The following TRPA1 variants were observed in gnomAD, a reference collection of about 807,000 sequenced individuals.
TRPA1 encodes transient receptor potential cation channel subfamily A member 1.
A neutral mutation model predicts 131.3 loss-of-function variants in TRPA1; 129 were observed. The observed-to-expected ratio is 0.98, with a 90% CI of 0.85 to 1.14. The LOEUF is 1.14. Among genes scored for constraint, TRPA1 ranks in the 50% most tolerant of loss-of-function variants. TRPA1 has a pLI of 0.00. For missense variants in TRPA1, 1,304 were observed against 1,354.2 expected, an observed-to-expected ratio of 0.96 and a Z score of 0.58; for synonymous variants, 441 against 451.7, an observed-to-expected ratio of 0.98 and a Z score of 0.30.
At chr8:72,047,004 T>C (rs1799735086) in intron 16 of TRPA1, 144 bp downstream of exon 16, 1 of 657,400 alleles carries the variant, frequency 1.5e-6, no homozygotes, top group South Asian at 2.1e-5. Context: ...AAAAATTCTC[T>C]CACAAGTAGA....
At position 72,052,617 on chromosome 8, in the gene TRPA1, G is replaced by A. The variant is rs147715599; in HGVS notation, c.1793C>T (p.Thr598Met). 374 of 1,613,308 alleles carry A rather than the reference G, an allele frequency of 2.3e-4. No homozygotes were observed. The highest frequency in any genetic ancestry group is 2.9e-4 in the Non-Finnish European group (347 of 1,179,642). The part of the protein sequence containing the change: ...LHNKRKEVVL[T>M]IIRSKRWDEC... ...AGTGTACCTTTTGCTCCTGATGATC[G>A]TAAGAACAACCTCCTTCCTCTTATT... The change falls in exon 14 of 27, where the codon ACG becomes ATG. Residue 598 changes from threonine to methionine, a missense_variant. Coordinates refer to ENST00000262209, the MANE Select transcript of TRPA1 (RefSeq NM_007332.3).
chr8:72,030,671 A>G (rs1811782665), intron 23 of TRPA1, among the ~76,000 whole-genome samples: 4 of 152,232 alleles, frequency 2.6e-5, no homozygotes, highest in Admixed American at 2.6e-4. Context: ...GCCACACAAC[A>G]TGGTGGGAAA....
chr8:72,025,399 G>A (rs971163720), intron 25 of TRPA1, among the ~76,000 whole-genome samples: 1 of 152,002 alleles, frequency 6.6e-6, no homozygotes, highest in Non-Finnish European at 1.5e-5. Flanking sequence ...CACCATGATT[G>A]CAAGTTTCCT....
intron 1 of TRPA1, among the ~76,000 whole-genome samples, chr8:72,074,829 T>C (rs972162334): frequency 1.3e-5 from 2 of 152,176 alleles, no homozygotes; most frequent in Non-Finnish European, 2.9e-5. Flanking sequence ...ACGCTCTAAG[T>C]GCAGACAATT....
At position 72,036,476 on chromosome 8, in the gene TRPA1, A is replaced by C. The variant is rs1401833306; in HGVS notation, c.2386-19T>G. 2 of 1,605,190 alleles carry C rather than the reference A, an allele frequency of 1.2e-6. No homozygotes were observed. Among genetic ancestry groups the C allele is most frequent in the South Asian group, 1.1e-5 (1 of 90,778 alleles). Reference sequence around the variant, plus strand: ...TCCTTTTCTGGGATAGAAAAGAATAAAAAATTACCACATATAGAGACCTAG... The same window carrying C: ...TCCTTTTCTGGGATAGAAAAGAATACAAAATTACCACATATAGAGACCTAG... On this transcript the variant is annotated intron_variant, in intron 20 of 26. Coordinates refer to ENST00000262209, the MANE Select transcript of TRPA1 (RefSeq NM_007332.3).
At chr8:72,061,790 T>C (rs1435859939) in intron 6 of TRPA1, 29 bp from the exon 7 acceptor site, 6 of 1,612,444 alleles carry the variant, frequency 3.7e-6, no homozygotes, top group South Asian at 1.1e-5. Flanking sequence ...CTAGAATCAA[T>C]GTTTAAATCT....
the TRPA1 span, among the ~76,000 whole-genome samples, chr8:72,089,751 T>C: frequency 0.19 from 28,858 of 151,970 alleles, 3,131 homozygotes; most frequent in East Asian, 0.41. Flanking sequence ...TATGTCAGAT[T>C]GAAACAAAAT....
intron 13 of TRPA1, chr8:72,053,007 AAGAGAG>A (rs57169742): frequency 0.02 from 4,525 of 231,338 alleles, 104 homozygotes; most frequent in African/African-American, 0.059. Flanking sequence ...GAGATAGAGA[AAGAGAG>A]AGAGAGAGAG....
chr8:72,057,767 A>C lies in TRPA1; in HGVS notation c.1043T>G (p.Leu348Ter). The change falls in exon 9 of 27, where the codon TTA becomes TGA. Residue 348 changes from leucine to a stop codon, truncating the protein, a stop_gained. Coordinates refer to ENST00000262209, the MANE Select transcript of TRPA1 (RefSeq NM_007332.3). LOFTEE classifies it high-confidence loss of function. ...ATTCCAAGATGCAGAAGCAGTTGCT[A>C]ATATAAGTGGAGAGCGTCCTTCAGA... ...IDSEGRSPLI[L>*]ATASASWNIV... is the part of the protein sequence containing the mutation. The C allele has an allele frequency of 6.2e-7, 1 of 1,613,946 alleles. No individual in the cohort carries two copies. Among genetic ancestry groups the C allele is most frequent in the Non-Finnish European group, 8.5e-7 (1 of 1,179,902 alleles).
rs533631033 is a variant in TRPA1 at position 72,063,603 on chromosome 8, C to T, written c.553-32G>A. 7 of 1,474,692 alleles carry T rather than the reference C, an allele frequency of 4.7e-6. No homozygotes were observed. The South Asian group carries it at 7.9e-5, about 17-fold the overall frequency. 91.4% of individuals were successfully genotyped at this position (1,474,692 alleles called of 1,614,324 possible). A position where few individuals can be genotyped will look rare whatever the true frequency, so the allele number is the denominator to read the frequency against. On this transcript the variant is annotated intron_variant, in intron 4 of 26. Transcript: ENST00000262209. ...GAAAAGACAAAATGAAAAATGACACCAGTTAAACCCCAAATCGCAAGGGTG... is the reference window on the plus strand; with the variant it reads ...GAAAAGACAAAATGAAAAATGACACTAGTTAAACCCCAAATCGCAAGGGTG...
At chr8:72,024,734 G>A (rs1811522655) in intron 25 of TRPA1, among the ~76,000 whole-genome samples, 1 of 152,148 alleles carries the variant, frequency 6.6e-6, no homozygotes, top group African/African-American at 2.4e-5. Context: ...TAGGCAGCTG[G>A]ATACAGGGTC....
chr8:72,032,061 G>A (rs538936489), intron 23 of TRPA1, among the ~76,000 whole-genome samples: 90 of 152,304 alleles, frequency 5.9e-4, no homozygotes, highest in Admixed American at 2.1e-3. Flanking sequence ...TAGGCAGCAT[G>A]AAGGAAAGTG....
intron 13 of TRPA1, 117 bp downstream of exon 13, chr8:72,053,636 A>G (rs1286048443): frequency 1.2e-5 from 9 of 781,746 alleles, no homozygotes; most frequent in African/African-American, 8.6e-5. Context: ...TAAACACCCA[A>G]CAAAAGGCTG....
intron 24 of TRPA1, among the ~76,000 whole-genome samples, chr8:72,027,255 T>C (rs1811641897): frequency 1.3e-5 from 2 of 152,162 alleles, no homozygotes; most frequent in South Asian, 4.1e-4. Flanking sequence ...CTTACACTGT[T>C]CATTATCTAC....
intron 13 of TRPA1, 200 bp from the exon 14 acceptor site, chr8:72,052,965 C>CTGTG (rs57129422): frequency 0.039 from 12,593 of 321,638 alleles, 590 homozygotes; most frequent in African/African-American, 0.13. Context: ...GGAAGTGGAT[C>CTGTG]TGTGTGTGTG....
chr8:72,023,480 A>G (rs996608628), intron 26 of TRPA1: 1 of 426,304 alleles, frequency 2.3e-6, no homozygotes, highest in African/African-American at 2.0e-5. Context: ...TGCCCACCAC[A>G]TAGTTACTCC....
In TRPA1 at chr8:72,055,790, T is replaced by A. The variant is rs191885976; in HGVS notation, c.1260A>T (p.Ala420=). Residue 420 remains alanine, a synonymous_variant, in exon 11 of 27, where the codon GCA becomes GCT. Transcript: ENST00000262209. ...DNDGCTPLHY[A]CRQGGPGSVN... The stretch of plus-strand genomic sequence containing the variant: ...CAGAACCAGGGCCCCCCTGTCTACA[T>A]GCATAATGTAGAGGAGTACACCCAT... The A allele has an allele frequency of 1.5e-4, 235 of 1,613,248 alleles. 1 individual carries two copies. The East Asian group carries it at 4.7e-3, about 32-fold the overall frequency.
chr8:72,086,437 G>C, the TRPA1 span, among the ~76,000 whole-genome samples: 1 of 152,116 alleles, frequency 6.6e-6, no homozygotes, highest in African/African-American at 2.4e-5. Context: ...AATTCTTCCA[G>C]AGGTGGTATG....
intron 25 of TRPA1, among the ~76,000 whole-genome samples, chr8:72,024,847 T>C: frequency 6.6e-6 from 1 of 152,136 alleles, no homozygotes; most frequent in South Asian, 2.1e-4. Context: ...GTTGGAGAGA[T>C]ACTGTGGCGT....
Sources: gnomAD v4.1 joint callset for allele counts (sites outside exome capture counted in the v4.1 genomes callset) on GRCh38, gnomAD v4.1.1 for gene constraint, MANE v1.5 for transcripts, NCBI Gene and HGNC (gene_info 2026-07-23, HGNC 2026-07-21) for gene names.